DYSF: variants seen among roughly 807,000 people sequenced by gnomAD.
DYSF encodes the protein dysferlin.
DYSF carries 212 observed loss-of-function variants against 274.9 expected under a neutral mutation model. That is an observed-to-expected ratio of 0.77 (90% CI 0.69 to 0.86). The LOEUF is 0.86. Ranked by LOEUF, DYSF falls within the 40% of genes least tolerant of loss-of-function variation. The pLI is 0.00. For missense variants in DYSF, 2,666 were observed against 2,783.2 expected (o/e 0.96, Z 0.95); for synonymous variants, 1,091 against 1,078.7 (o/e 1.01, Z -0.22).
At chr2:71,461,869 G>A (rs987318108), upstream of DYSF, among the ~76,000 whole-genome samples, 1 of 152,170 alleles carries the variant, frequency 6.6e-6, no homozygotes, top group Non-Finnish European at 1.5e-5. Flanking sequence ...AGGTTTGTTT[G>A]CCTCCTGGAC....
At chr2:71,590,845 C>T (rs1178941230) in intron 32 of DYSF, among the ~76,000 whole-genome samples, 1 of 152,188 alleles carries the variant, frequency 6.6e-6, no homozygotes, top group African/African-American at 2.4e-5. Flanking sequence ...GATTCTACCT[C>T]CTGAATCCCT....
rs573555335 is a variant in DYSF, at chr2:71,611,678, C to A, written c.4221+52C>A. 5 of 1,594,484 alleles carry A rather than the reference C, an allele frequency of 3.1e-6. No homozygotes were observed. The East Asian group carries it at 1.1e-4, about 36-fold the overall frequency. ...TTCCAGAGTCCTGGGGCTAGAAGTT[C>A]TACATGTCCCCGAGCAGCCTGGGGC... On this transcript the variant is annotated intron_variant, in intron 38 of 55. Coordinates refer to ENST00000410020, the MANE Select transcript of DYSF (RefSeq NM_001130987.2).
At chr2:71,623,838 G>A (rs2094155097) in intron 41 of DYSF, among the ~76,000 whole-genome samples, 1 of 151,576 alleles carries the variant, frequency 6.6e-6, no homozygotes, top group African/African-American at 2.4e-5. Flanking sequence ...GGGAGGTCGA[G>A]GTAGGCAAAT....
chr2:71,453,698 G>C, exon 1 of DYSF: 1 of 462,606 alleles, frequency 2.2e-6, no homozygotes, highest in Non-Finnish European at 4.0e-6. Context: ...ATTACAGCTC[G>C]ACGGAGCTCG....
chr2:71,540,976 A>T (rs1171913060), intron 17 of DYSF, among the ~76,000 whole-genome samples: 1 of 152,170 alleles, frequency 6.6e-6, no homozygotes, highest in East Asian at 1.9e-4. Context: ...TTCTTTGGTG[A>T]TACAAACACT....
Position 71,595,955 on chromosome 2 carries a change from C to G in DYSF, c.3575-2609C>G, listed in dbSNP as rs1313675226. On this transcript the variant is annotated intron_variant, in intron 32 of 55. Transcript: ENST00000410020. Reference sequence around the variant, plus strand: ...TTGTCTGTGAGTGTGTCTGGCTGTCCTTCATCTGACCACCTTGCTCTAGCA... The same window carrying G: ...TTGTCTGTGAGTGTGTCTGGCTGTCGTTCATCTGACCACCTTGCTCTAGCA... Among the ~76,000 whole-genome samples the G allele has an allele frequency of 2.6e-5, 4 of 151,904 alleles. No homozygotes were observed. In the East Asian group the frequency reaches 7.8e-4, roughly 30 times the overall value.
At chr2:71,672,835 G>A (rs1322961149) in intron 51 of DYSF, among the ~76,000 whole-genome samples, 1 of 152,254 alleles carries the variant, frequency 6.6e-6, no homozygotes, top group Non-Finnish European at 1.5e-5. Flanking sequence ...GAAAAGGGGG[G>A]AGGCACCAGA....
intron 24 of DYSF, among the ~76,000 whole-genome samples, chr2:71,565,085 C>T (rs1185985552): frequency 2.0e-5 from 3 of 151,524 alleles, no homozygotes; most frequent in South Asian, 2.1e-4. Flanking sequence ...CTGCTCCTTA[C>T]CTTTTTTTTT....
In DYSF at chr2:71,588,015, C is replaced by A. The variant is rs540394193; in HGVS notation, c.3403-1578C>A. Among the ~76,000 whole-genome samples, 69 of 152,314 alleles carry A rather than the reference C, an allele frequency of 4.5e-4. 1 individual carries two copies. Among genetic ancestry groups the A allele is most frequent in the African/African-American group, 1.6e-3 (66 of 41,576 alleles). On this transcript the variant is annotated intron_variant, in intron 30 of 55. Transcript: ENST00000410020. ...TTTGACCCAGAGTGACCAGGGCAGG[C>A]TTTGCTTAGGTGTCCTAAGATGATC... is the stretch of plus-strand genomic sequence containing the variant.
intron 51 of DYSF, 133 bp from the exon 52 acceptor site, chr2:71,674,064 C>T: frequency 2.6e-6 from 2 of 776,358 alleles, no homozygotes; most frequent in Non-Finnish European, 2.2e-6. Flanking sequence ...TCCCACAGGA[C>T]CTGGCTCTGG....
At chr2:71,596,960 A>G (rs2093422670) in intron 32 of DYSF, among the ~76,000 whole-genome samples, 1 of 152,010 alleles carries the variant, frequency 6.6e-6, no homozygotes, top group Non-Finnish European at 1.5e-5. Context: ...CCATCCCTTG[A>G]TGGGTTTCCT....
At position 71,570,210 on chromosome 2, in the gene DYSF, T is replaced by C. The variant is rs745523990; in HGVS notation, c.2980-19T>C. The C allele has an allele frequency of 1.2e-6, 2 of 1,608,658 alleles. No individual in the cohort carries two copies. The highest frequency in any genetic ancestry group is 3.3e-5 in the Admixed American group (2 of 60,032). ...TGTCTGTCTCCTCTCATTGCTTGCC[T>C]GTTCGGTTTTGTCCTTAGAACGGGG... is the stretch of plus-strand genomic sequence containing the variant. On this transcript the variant is annotated intron_variant, in intron 27 of 55. Transcript: ENST00000410020.
intron 21 of DYSF, among the ~76,000 whole-genome samples, chr2:71,554,584 G>A (rs1014638332): frequency 2.6e-5 from 4 of 152,168 alleles, no homozygotes; most frequent in African/African-American, 4.8e-5. Context: ...GGGGGAGGGT[G>A]ACCAAGCCCT....
chr2:71,597,271 AG>A (rs1362024193), intron 32 of DYSF, among the ~76,000 whole-genome samples: 1 of 152,166 alleles, frequency 6.6e-6, no homozygotes, highest in Non-Finnish European at 1.5e-5. Flanking sequence ...TGGGGCTCAG[AG>A]GGCACAGGCC....
chr2:71,682,495 G>C, intron 54 of DYSF, 35 bp from the exon 55 acceptor site: 1 of 1,614,074 alleles, frequency 6.2e-7, no homozygotes, highest in East Asian at 2.2e-5. Context: ...CCCTAGTAAA[G>C]GATGCCCAGT....
intron 32 of DYSF, among the ~76,000 whole-genome samples, chr2:71,596,180 T>C (rs559364641): frequency 2.6e-5 from 4 of 151,534 alleles, no homozygotes; most frequent in Admixed American, 2.6e-4. Context: ...GTGATTTTTG[T>C]TTGAAAGCCA....
intron 40 of DYSF, among the ~76,000 whole-genome samples, chr2:71,616,663 C>A (rs998293219): frequency 1.3e-5 from 2 of 152,040 alleles, no homozygotes; most frequent in Admixed American, 1.3e-4. Flanking sequence ...TAGTTCTCTG[C>A]TTTAGAAAAC....
intron 12 of DYSF, among the ~76,000 whole-genome samples, chr2:71,525,176 A>G (rs951362376): frequency 1.1e-4 from 16 of 151,710 alleles, no homozygotes; most frequent in Non-Finnish European, 2.1e-4. Context: ...TAATTGGTCT[A>G]GGGTGTGACC....
rs939266094 is a variant in DYSF at position 71,454,238 on chromosome 2, G to T, written c.88+152G>T. Reference sequence around the variant, plus strand: ...TTGAGTGTTGCAACGACACAGGTCTGCAGAGGGCGACTCAGAGGGAAACTG... The same window carrying T: ...TTGAGTGTTGCAACGACACAGGTCTTCAGAGGGCGACTCAGAGGGAAACTG... On this transcript the variant is annotated intron_variant, in intron 1 of 54. Transcript: ENST00000258104. The T allele has an allele frequency of 1.2e-5, 9 of 758,280 alleles. 1 individual carries two copies. The highest frequency in any genetic ancestry group is 6.0e-4 in the Middle Eastern group (2 of 3,332). 47.0% of individuals were successfully genotyped at this position (758,280 alleles called of 1,614,324 possible).
Sources: allele counts gnomAD v4.1 joint callset (sites outside exome capture counted in the v4.1 genomes callset), GRCh38; gene constraint gnomAD v4.1.1; transcripts MANE v1.5; gene names NCBI Gene and HGNC (gene_info 2026-07-23, HGNC 2026-07-21).